THSD4: variants seen among roughly 807,000 people sequenced by gnomAD.
THSD4 encodes the protein thrombospondin type 1 domain containing 4.
THSD4 carries 69 observed loss-of-function variants against 119.0 expected under a neutral mutation model. The ratio of observed to expected loss-of-function variants is 0.58; its 90% confidence interval spans 0.48 to 0.71. The LOEUF is 0.71. Among genes scored for constraint, THSD4 ranks in the 30% least tolerant of loss-of-function variants. THSD4 has a pLI of 0.00. For missense variants in THSD4, 1,393 were observed against 1,391.1 expected, an observed-to-expected ratio of 1.00 and a Z score of -0.02; for synonymous variants, 524 against 540.4, an observed-to-expected ratio of 0.97 and a Z score of 0.42.
intron 3 of THSD4, among the ~76,000 whole-genome samples, chr15:71,159,932 C>A (rs1239593451): frequency 1.3e-5 from 2 of 152,068 alleles, no homozygotes; most frequent in East Asian, 1.9e-4. Context: ...TATACATTAT[C>A]CAGTATAATG....
In THSD4 at chr15:71,190,839, A is replaced by G. The variant is rs76335871; in HGVS notation, c.100-24196A>G. Among the ~76,000 whole-genome samples the G allele has an allele frequency of 5.3e-5, 8 of 152,212 alleles. No homozygotes were observed. In the East Asian group the frequency reaches 1.4e-3, roughly 26 times the overall value. On this transcript the variant is annotated intron_variant, in intron 3 of 17. Coordinates refer to ENST00000261862, the MANE Select transcript of THSD4 (RefSeq NM_024817.3). ...TGAATTTTGGAATGCAGAAGGTCCC[A>G]TCGAGAGGAAACGTTTTCACACAGA...
chr15:71,285,439 T>C (rs976156262), intron 6 of THSD4, among the ~76,000 whole-genome samples: 3 of 152,198 alleles, frequency 2.0e-5, no homozygotes, highest in African/African-American at 7.2e-5. Context: ...CACCAAATGT[T>C]CTCATGAATT....
At chr15:71,412,919 A>G (rs1186138221) in intron 7 of THSD4, among the ~76,000 whole-genome samples, 1 of 152,222 alleles carries the variant, frequency 6.6e-6, no homozygotes, top group African/African-American at 2.4e-5. Flanking sequence ...TAATGATCAA[A>G]TCTGGGTAAC....
At chr15:71,377,886 A>C (rs995304367) in intron 6 of THSD4, among the ~76,000 whole-genome samples, 4 of 82,538 alleles carry the variant, frequency 4.8e-5, no homozygotes, top group African/African-American at 1.5e-4. Flanking sequence ...ACACACACAC[A>C]CACACACACA....
intron 7 of THSD4, among the ~76,000 whole-genome samples, chr15:71,585,544 G>A (rs1042758530): frequency 1.8e-4 from 28 of 152,152 alleles, no homozygotes; most frequent in Admixed American, 6.5e-5. Flanking sequence ...TGGTTATAAT[G>A]TGTCTCAGTG....
intron 7 of THSD4, among the ~76,000 whole-genome samples, chr15:71,608,238 ATAT>A (rs1430571637): frequency 3.8e-5 from 2 of 52,588 alleles, no homozygotes; most frequent in Non-Finnish European, 8.6e-5. Flanking sequence ...AAAAAAAAAA[ATAT>A]ATATATATAC....
chr15:71,242,457 C>T (rs1478072919), intron 4 of THSD4, among the ~76,000 whole-genome samples, 192 bp from the exon 5 acceptor site: 1 of 152,166 alleles, frequency 6.6e-6, no homozygotes, highest in Non-Finnish European at 1.5e-5. Flanking sequence ...TTTCCAACTT[C>T]TGTGGAGCCT....
At chr15:71,695,292 T>C (rs2052139556) in intron 8 of THSD4, among the ~76,000 whole-genome samples, 1 of 152,190 alleles carries the variant, frequency 6.6e-6, no homozygotes, top group South Asian at 2.1e-4. Context: ...TTTAAGCCTC[T>C]CTAATCTACA....
At chr15:71,457,415 A>G (rs1400493877) in intron 7 of THSD4, among the ~76,000 whole-genome samples, 1 of 149,542 alleles carries the variant, frequency 6.7e-6, no homozygotes, top group Admixed American at 6.7e-5. Context: ...CAAGATGGTA[A>G]TGCAAGTGTT....
intron 4 of THSD4, among the ~76,000 whole-genome samples, chr15:71,234,948 G>C (rs1244629752): frequency 1.3e-5 from 2 of 152,164 alleles, no homozygotes; most frequent in East Asian, 3.8e-4. Context: ...TCACATCTCT[G>C]TGTGCTCTTA....
In THSD4 at chr15:71,771,390, C is replaced by T. The variant is rs1369497839; in HGVS notation, c.2914+182C>T. On this transcript the variant is annotated intron_variant, in intron 17 of 17. Coordinates refer to ENST00000261862, the MANE Select transcript of THSD4 (RefSeq NM_024817.3). ...CATGGTTTAAGATGATCATTCATAG[C>T]GAGGATGGCTGTCTAAGCCACCCAC... is the stretch of plus-strand genomic sequence containing the variant. Among the ~76,000 whole-genome samples, 6 of 152,094 alleles carry T rather than the reference C, an allele frequency of 3.9e-5. No individual in the cohort carries two copies. In the South Asian group the frequency reaches 6.2e-4, roughly 16 times the overall value.
chr15:71,115,160 C>T (rs999351889), upstream of THSD4: 1 of 152,468 alleles, frequency 6.6e-6, no homozygotes, highest in Admixed American at 6.5e-5. This position sits in a 1 kb window ranked among gnomAD's most constrained non-coding sequence, Gnocchi z 4.4. Flanking sequence ...AATTCAGGGC[C>T]TGGTCTCAAC....
In THSD4 at chr15:71,779,390, G is replaced by C. The variant is rs1432802712; in HGVS notation, c.*2016G>C. On this transcript the variant is annotated 3_prime_UTR_variant, in exon 18 of 18. Coordinates refer to ENST00000261862, the MANE Select transcript of THSD4 (RefSeq NM_024817.3). Reference sequence around the variant, plus strand: ...GCTTGTCACGAGGAGAGTTGTTCCTGTATGTGGCTGCTCTCAGATCTTTCC... The same window carrying C: ...GCTTGTCACGAGGAGAGTTGTTCCTCTATGTGGCTGCTCTCAGATCTTTCC... 6.6e-6 allele frequency: 1 copy of C among 152,266 alleles called. No homozygotes were observed. The highest frequency in any genetic ancestry group is 1.5e-5 in the Non-Finnish European group (1 of 68,102). The allele number at this position is 152,266 out of a possible 1,614,324, so 9.4% of individuals were successfully genotyped here.
At chr15:71,111,225 A>G (rs1288816250), upstream of THSD4, 47 of 1,613,818 alleles carry the variant, frequency 2.9e-5, no homozygotes, top group Non-Finnish European at 3.9e-5. Flanking sequence ...AAAGAGAAGG[A>G]GATAACCTGA....
intron 8 of THSD4, among the ~76,000 whole-genome samples, chr15:71,710,465 C>T (rs2052487982): frequency 6.6e-6 from 1 of 152,288 alleles, no homozygotes; most frequent in Non-Finnish European, 1.5e-5. Flanking sequence ...GACCATGGAC[C>T]TAATCTGTTT....
intron 7 of THSD4, among the ~76,000 whole-genome samples, chr15:71,594,285 T>G (rs2049866098): frequency 6.6e-6 from 1 of 151,910 alleles, no homozygotes; most frequent in Non-Finnish European, 1.5e-5. Flanking sequence ...CTCAGTTCAC[T>G]GCAACCTCCA....
intron 8 of THSD4, among the ~76,000 whole-genome samples, chr15:71,698,467 A>G (rs892037323): frequency 6.6e-6 from 1 of 151,654 alleles, no homozygotes; most frequent in Non-Finnish European, 1.5e-5. Context: ...TGATCCAGCA[A>G]TCCCTGGGTT....
chr15:71,146,105 G>A (rs773478055), intron 2 of THSD4, among the ~76,000 whole-genome samples: 5 of 152,200 alleles, frequency 3.3e-5, no homozygotes, highest in Admixed American at 6.5e-5. Context: ...AGGATAGTTA[G>A]CTAGTTAATT....
At chr15:71,319,037 A>G (rs1200520430) in intron 6 of THSD4, among the ~76,000 whole-genome samples, 1 of 152,250 alleles carries the variant, frequency 6.6e-6, no homozygotes, top group Non-Finnish European at 1.5e-5. Context: ...AACTTGATTT[A>G]GAACCAGATC....
Sources: allele counts gnomAD v4.1 joint callset (sites outside exome capture counted in the v4.1 genomes callset), GRCh38; gene constraint gnomAD v4.1.1; non-coding constraint Gnocchi (gnomAD v3.1); transcripts MANE v1.5; gene names NCBI Gene and HGNC (gene_info 2026-07-23, HGNC 2026-07-21).